Variants in ZBTB20 observed in about 807,000 individuals in gnomAD.
ZBTB20 encodes the protein zinc finger and BTB domain containing 20.
In ZBTB20, 9 loss-of-function variants were observed where a neutral mutation model predicts 56.9. The ratio of observed to expected loss-of-function variants is 0.16; its 90% CI spans 0.10 to 0.28. ZBTB20 has a LOEUF of 0.28. Among genes scored for constraint, ZBTB20 ranks in the 10% least tolerant of loss-of-function variants. The probability of loss-of-function intolerance (pLI) is 1.00; values close to 1 mark genes in which losing one functional copy is unlikely to be tolerated. For synonymous variants in ZBTB20, 417 were observed against 420.7 expected, an observed-to-expected ratio of 0.99 and a Z score of 0.11; for missense variants, 655 against 1,003.0, an observed-to-expected ratio of 0.65 and a Z score of 4.69.
intron 1 of ZBTB20, among the ~76,000 whole-genome samples, chr3:115,135,118 T>C (rs993864184): frequency 2.6e-5 from 4 of 152,210 alleles, no homozygotes; most frequent in Non-Finnish European, 4.4e-5. Flanking sequence ...TATTTACCCA[T>C]GGACTCCAGC....
chr3:114,667,090 TTAACCC>T (rs1272311190), intron 6 of ZBTB20, among the ~76,000 whole-genome samples: 5 of 152,124 alleles, frequency 3.3e-5, no homozygotes, highest in Admixed American at 3.3e-4. Flanking sequence ...ATCGTGCCCC[TTAACCC>T]ATCTATGCCT....
intron 5 of ZBTB20, chr3:114,791,570 C>T (rs1237651616): frequency 6.6e-6 from 1 of 152,146 alleles, no homozygotes; most frequent in Non-Finnish European, 1.5e-5. Context: ...GGGAAGAGAA[C>T]ACTGATGGTA....
At chr3:114,617,201 T>C (rs1013570340) in intron 6 of ZBTB20, among the ~76,000 whole-genome samples, 1 of 152,264 alleles carries the variant, frequency 6.6e-6, no homozygotes, top group Non-Finnish European at 1.5e-5. Context: ...CTTCTTTGCA[T>C]GGCAATCAGG....
At chr3:114,896,686 G>T (rs2074895657) in intron 4 of ZBTB20, among the ~76,000 whole-genome samples, 1 of 152,022 alleles carries the variant, frequency 6.6e-6, no homozygotes, top group Non-Finnish European at 1.5e-5. Flanking sequence ...GATGTATTGT[G>T]GTGATGGCTG....
At chr3:114,384,031 T>G (rs2084723218) in intron 8 of ZBTB20, among the ~76,000 whole-genome samples, 1 of 152,048 alleles carries the variant, frequency 6.6e-6, no homozygotes, top group Admixed American at 6.5e-5. Context: ...AGAACCTTCC[T>G]CCTGGTCACC....
At chr3:114,520,293 A>C (rs1378714437) in intron 6 of ZBTB20, among the ~76,000 whole-genome samples, 1 of 152,124 alleles carries the variant, frequency 6.6e-6, no homozygotes, top group Non-Finnish European at 1.5e-5. Context: ...AAAACACTTA[A>C]AGGGGGTGAT....
intron 6 of ZBTB20, among the ~76,000 whole-genome samples, chr3:114,666,678 G>A (rs913367883): frequency 4.6e-5 from 7 of 151,986 alleles, no homozygotes; most frequent in African/African-American, 1.7e-4. Flanking sequence ...TCTTAAATAA[G>A]AGAGGAAGCA....
chr3:114,680,927 T>C (rs2061932579), intron 6 of ZBTB20, among the ~76,000 whole-genome samples: 1 of 152,138 alleles, frequency 6.6e-6, no homozygotes, highest in South Asian at 2.1e-4. Flanking sequence ...TGAGTGCCTG[T>C]GGTAATGGTA....
chr3:114,642,394 G>A (rs2059607157), intron 6 of ZBTB20, among the ~76,000 whole-genome samples: 1 of 151,992 alleles, frequency 6.6e-6, no homozygotes, highest in Non-Finnish European at 1.5e-5. Flanking sequence ...TCTAGAATAT[G>A]ATCAACACTT....
chr3:114,549,867 G>C (rs74324734), intron 6 of ZBTB20, among the ~76,000 whole-genome samples: 24,128 of 151,164 alleles, frequency 0.16, 2,165 homozygotes, highest in South Asian at 0.25. Context: ...CCAACTAACT[G>C]ATTTTTAATA....
intron 6 of ZBTB20, among the ~76,000 whole-genome samples, chr3:114,680,519 A>C (rs1038212615): frequency 1.3e-5 from 2 of 152,224 alleles, no homozygotes; most frequent in Non-Finnish European, 2.9e-5. Context: ...TACTTGGCCA[A>C]GTAATGATGT....
At chr3:114,827,659 G>T (rs572373077) in intron 4 of ZBTB20, among the ~76,000 whole-genome samples, 2 of 151,724 alleles carry the variant, frequency 1.3e-5, no homozygotes, top group African/African-American at 2.4e-5. Flanking sequence ...GGTCATGTGA[G>T]GGGGAGAGCT....
intron 2 of ZBTB20, among the ~76,000 whole-genome samples, chr3:114,991,650 G>A (rs1404590903): frequency 1.3e-5 from 2 of 152,000 alleles, no homozygotes; most frequent in Non-Finnish European, 2.9e-5. Flanking sequence ...TTCAAATCCT[G>A]GATATCCTTT....
chr3:114,603,278 A>C (rs2056897910), intron 6 of ZBTB20, among the ~76,000 whole-genome samples: 1 of 152,000 alleles, frequency 6.6e-6, no homozygotes, highest in Non-Finnish European at 1.5e-5. Flanking sequence ...CTACTGGCAG[A>C]AAGAGATGAG....
At chr3:115,084,815 T>C (rs2082927291) in intron 1 of ZBTB20, among the ~76,000 whole-genome samples, 2 of 152,010 alleles carry the variant, frequency 1.3e-5, no homozygotes, top group South Asian at 4.1e-4. Context: ...CCACCTTCTC[T>C]TTCATAAATG....
At chr3:114,898,194 A>G (rs889603520) in intron 4 of ZBTB20, among the ~76,000 whole-genome samples, 6 of 152,168 alleles carry the variant, frequency 3.9e-5, no homozygotes, top group African/African-American at 4.8e-5. Context: ...AGGGAGAAGC[A>G]TAAGCCAGTG....
At chr3:114,624,411 C>T (rs2058528351) in intron 6 of ZBTB20, among the ~76,000 whole-genome samples, 1 of 150,608 alleles carries the variant, frequency 6.6e-6, no homozygotes, top group Non-Finnish European at 1.5e-5. Flanking sequence ...ATTATTGTCT[C>T]CCGACGGAAA....
chr3:114,950,680 A>G (rs1347301662), intron 3 of ZBTB20, among the ~76,000 whole-genome samples: 2 of 152,164 alleles, frequency 1.3e-5, no homozygotes, highest in Non-Finnish European at 2.9e-5. Flanking sequence ...ATCCAATAAG[A>G]ATGCTTAAAT....
intron 1 of ZBTB20, among the ~76,000 whole-genome samples, chr3:115,087,266 G>C (rs530564118): frequency 6.6e-6 from 1 of 151,848 alleles, no homozygotes; most frequent in South Asian, 2.1e-4. Flanking sequence ...TTAAATAGGT[G>C]TCCATTACAT....
Sources: allele counts gnomAD v4.1 joint callset (sites outside exome capture counted in the v4.1 genomes callset), GRCh38; gene constraint gnomAD v4.1.1; transcripts MANE v1.5; gene names NCBI Gene and HGNC (gene_info 2026-07-23, HGNC 2026-07-21).